The following C1orf21 variants were observed in gnomAD, a reference collection of about 807,000 sequenced individuals.
C1orf21 encodes chromosome 1 open reading frame 21.
In C1orf21, 3 loss-of-function variants were observed where a neutral mutation model predicts 18.7. The observed-to-expected ratio is 0.16, with a 90% CI of 0.07 to 0.42. The LOEUF is 0.42. Ranked by LOEUF, C1orf21 falls within the 10% of genes least tolerant of loss-of-function variation. The pLI, the probability that C1orf21 is intolerant of heterozygous loss-of-function variation, is 0.99. For missense variants in C1orf21, 104 were observed against 143.6 expected, an observed-to-expected ratio of 0.72 and a Z score of 1.41; for synonymous variants, 41 against 46.4, an observed-to-expected ratio of 0.88 and a Z score of 0.47.
intron 5 of C1orf21, among the ~76,000 whole-genome samples, chr1:184,606,875 A>C (rs932673515): frequency 6.6e-6 from 1 of 152,156 alleles, no homozygotes; most frequent in African/African-American, 2.4e-5. Flanking sequence ...TTTACCCTCA[A>C]CTTTTCATCT....
intron 3 of C1orf21, among the ~76,000 whole-genome samples, chr1:184,531,121 C>A (rs944205207): frequency 2.6e-5 from 4 of 152,138 alleles, no homozygotes; most frequent in African/African-American, 9.7e-5. Context: ...TTTTTCTTTG[C>A]CTAAAACAGA....
intron 5 of C1orf21, among the ~76,000 whole-genome samples, chr1:184,604,797 G>A (rs1659628021): frequency 6.6e-6 from 1 of 152,228 alleles, no homozygotes; most frequent in African/African-American, 2.4e-5. Context: ...AGATGAGTCT[G>A]TCAAGGAAAA....
At chr1:184,580,951 T>A (rs1267341219) in intron 3 of C1orf21, among the ~76,000 whole-genome samples, 1 of 152,232 alleles carries the variant, frequency 6.6e-6, no homozygotes, top group East Asian at 1.9e-4. Flanking sequence ...AATTTAGATG[T>A]GGTCCTGTGA....
chr1:184,556,063 C>T (rs1183278373), intron 3 of C1orf21, among the ~76,000 whole-genome samples: 3 of 152,044 alleles, frequency 2.0e-5, no homozygotes, highest in Admixed American at 1.3e-4. Flanking sequence ...CTCTCCCTCA[C>T]CACCCCCCCA....
At chr1:184,582,121 A>G (rs1248456949) in intron 3 of C1orf21, among the ~76,000 whole-genome samples, 2 of 152,202 alleles carry the variant, frequency 1.3e-5, no homozygotes, top group African/African-American at 2.4e-5. Flanking sequence ...TCTGATCACC[A>G]TCATTCAGAA....
chr1:184,433,710 G>A (rs56321247), intron 1 of C1orf21, among the ~76,000 whole-genome samples: 1 of 152,126 alleles, frequency 6.6e-6, no homozygotes, highest in Non-Finnish European at 1.5e-5. Context: ...ATTTCAGCAT[G>A]TGACACTCGT....
At chr1:184,551,206 C>T (rs540656142) in intron 3 of C1orf21, among the ~76,000 whole-genome samples, 35 of 151,706 alleles carry the variant, frequency 2.3e-4, no homozygotes, top group African/African-American at 4.8e-4. Context: ...AAACTCCAGG[C>T]GAATTATTTA....
At chr1:184,529,966 A>G (rs564294631) in intron 3 of C1orf21, among the ~76,000 whole-genome samples, 34 of 152,166 alleles carry the variant, frequency 2.2e-4, no homozygotes, top group Non-Finnish European at 4.4e-4. Flanking sequence ...GAATCTTAAC[A>G]CCTTTGCACT....
intron 3 of C1orf21, among the ~76,000 whole-genome samples, chr1:184,576,175 A>C (rs189582541): frequency 1.4e-3 from 217 of 150,564 alleles, no homozygotes; most frequent in Non-Finnish European, 2.8e-3. Context: ...CCCAGGCTGG[A>C]GTGCAGTAGT....
chr1:184,597,340 G>A (rs1659530345), intron 4 of C1orf21, among the ~76,000 whole-genome samples: 1 of 152,082 alleles, frequency 6.6e-6, no homozygotes, highest in Admixed American at 6.5e-5. Flanking sequence ...TTATACAGAG[G>A]GGACCCCCTC....
chr1:184,422,464 A>C (rs557259705), intron 1 of C1orf21, among the ~76,000 whole-genome samples: 3 of 152,236 alleles, frequency 2.0e-5, no homozygotes, highest in Admixed American at 6.5e-5. Flanking sequence ...TATTATTCTC[A>C]TTTTACAGGT....
At chr1:184,462,620 G>A (rs925625719) in intron 1 of C1orf21, among the ~76,000 whole-genome samples, 3 of 151,998 alleles carry the variant, frequency 2.0e-5, no homozygotes, top group Non-Finnish European at 4.4e-5. Flanking sequence ...ATTTATGATC[G>A]AAAGCAGCTG....
intron 3 of C1orf21, among the ~76,000 whole-genome samples, chr1:184,534,807 G>T (rs1447383858): frequency 6.6e-6 from 1 of 152,102 alleles, no homozygotes; most frequent in African/African-American, 2.4e-5. Context: ...TCTAGGAAAT[G>T]GTCACTTTTA....
intron 1 of C1orf21, among the ~76,000 whole-genome samples, chr1:184,432,658 A>G (rs78661805): frequency 0.035 from 5,231 of 150,978 alleles, 299 homozygotes; most frequent in African/African-American, 0.12. Flanking sequence ...CTCAGCACTT[A>G]AAGTATTAAA....
At chr1:184,541,554 G>A (rs1382306299) in intron 3 of C1orf21, among the ~76,000 whole-genome samples, 1 of 152,180 alleles carries the variant, frequency 6.6e-6, no homozygotes, top group African/African-American at 2.4e-5. Context: ...CTTGTGCTCA[G>A]ACCCTGGCAG....
chr1:184,619,747 A>C lies in C1orf21; in HGVS notation c.*191A>C. The C allele has an allele frequency of 2.2e-6, 1 of 463,844 alleles. No individual in the cohort carries two copies. Among genetic ancestry groups the C allele is most frequent in the East Asian group, 3.7e-5 (1 of 27,072 alleles). 28.7% of individuals were successfully genotyped at this position (463,844 alleles called of 1,614,324 possible). A position where few individuals can be genotyped will look rare whatever the true frequency, so the allele number is the denominator to read the frequency against. On this transcript the variant is annotated 3_prime_UTR_variant, in exon 6 of 6. Coordinates refer to ENST00000235307, the MANE Select transcript of C1orf21 (RefSeq NM_030806.4). Reference sequence around the variant, plus strand: ...CAAAGGAATATTGCTAAAAACAAACAAAAAAAACTGTTATCGAACTTTCTT... The same window carrying C: ...CAAAGGAATATTGCTAAAAACAAACCAAAAAAACTGTTATCGAACTTTCTT...
intron 3 of C1orf21, among the ~76,000 whole-genome samples, chr1:184,509,888 A>C (rs1286882673): frequency 1.3e-5 from 2 of 152,152 alleles, no homozygotes; most frequent in Admixed American, 6.5e-5. Context: ...TTTCAGTCTC[A>C]GCTCTGCCAC....
chr1:184,570,861 G>GT (rs1659098240), intron 3 of C1orf21, among the ~76,000 whole-genome samples: 1 of 152,122 alleles, frequency 6.6e-6, no homozygotes, highest in Non-Finnish European at 1.5e-5. Context: ...ACTTACACAG[G>GT]TTCTACACAC....
chr1:184,532,339 C>G (rs1340418223), intron 3 of C1orf21, among the ~76,000 whole-genome samples: 1 of 152,166 alleles, frequency 6.6e-6, no homozygotes, highest in Non-Finnish European at 1.5e-5. Flanking sequence ...TAGCAAGTTT[C>G]CTGTCACTTG....
Sources: gnomAD v4.1 joint callset for allele counts (sites outside exome capture counted in the v4.1 genomes callset) on GRCh38, gnomAD v4.1.1 for gene constraint, MANE v1.5 for transcripts, NCBI Gene and HGNC (gene_info 2026-07-23, HGNC 2026-07-21) for gene names.